The following LAMA2 variants were observed in gnomAD, a reference collection of about 807,000 sequenced individuals.
LAMA2 encodes the protein laminin subunit alpha-2.
LAMA2 carries 269 observed loss-of-function variants against 364.8 expected under a neutral mutation model. That is an observed-to-expected ratio of 0.74 (90% CI 0.67 to 0.82). LAMA2 has a LOEUF of 0.82. Among genes scored for constraint, LAMA2 ranks in the 40% least tolerant of loss-of-function variants. The pLI, the probability that LAMA2 is intolerant of heterozygous loss-of-function variation, is 0.00. For missense variants in LAMA2, 3,807 were observed against 3,873.2 expected, an observed-to-expected ratio of 0.98 and a Z score of 0.45; for synonymous variants, 1,379 against 1,370.6, an observed-to-expected ratio of 1.01 and a Z score of -0.14.
chr6:128,981,116 C>T (rs554049417), intron 1 of LAMA2, among the ~76,000 whole-genome samples: 4 of 152,240 alleles, frequency 2.6e-5, no homozygotes, highest in African/African-American at 9.6e-5. Flanking sequence ...TTCTGTTCCT[C>T]ACAGTCACAC....
intron 1 of LAMA2, among the ~76,000 whole-genome samples, chr6:129,022,642 A>G (rs935024001): frequency 1.3e-5 from 2 of 152,202 alleles, no homozygotes; most frequent in African/African-American, 4.8e-5. Context: ...AGGAGTGCCC[A>G]GATAAAATCA....
chr6:129,220,137 T>A (rs961803772), intron 12 of LAMA2, among the ~76,000 whole-genome samples: 1 of 152,184 alleles, frequency 6.6e-6, no homozygotes, highest in Admixed American at 6.5e-5. Flanking sequence ...TGTTCATTGA[T>A]TTAGACATAT....
intron 29 of LAMA2, among the ~76,000 whole-genome samples, chr6:129,330,615 T>C (rs200981076): frequency 3.8e-4 from 56 of 149,262 alleles, no homozygotes; most frequent in East Asian, 1.4e-3. Context: ...TTTTTTTTTT[T>C]CCCACTGTGT....
intron 12 of LAMA2, among the ~76,000 whole-genome samples, chr6:129,225,974 T>C (rs1759422026): frequency 6.6e-6 from 1 of 152,164 alleles, no homozygotes; most frequent in African/African-American, 2.4e-5. Flanking sequence ...AGTCTAAGTC[T>C]CTTTGTAGGT....
chr6:129,427,631 C>T, intron 40 of LAMA2, 121 bp from the exon 41 acceptor site: 1 of 743,554 alleles, frequency 1.3e-6, no homozygotes. Context: ...ATTTACAATT[C>T]TATATCTGCA....
At chr6:129,004,522 G>T (rs1437760753) in intron 1 of LAMA2, among the ~76,000 whole-genome samples, 2 of 151,492 alleles carry the variant, frequency 1.3e-5, no homozygotes, top group Admixed American at 6.6e-5. Context: ...GGGAAATTTA[G>T]CCAGCATGTA....
At position 129,353,288 on chromosome 6, in the gene LAMA2, C is replaced by A; in HGVS notation, c.4648C>A (p.Pro1550Thr). ...DPVTGFCTCR[P>T]GATGRKCDGC... The stretch of plus-strand genomic sequence containing the variant: ...TGTCACAGGATTCTGCACGTGCCGA[C>A]CTGGAGCCACGGGAAGGAAGTGTGA... The change falls in exon 32 of 65, where the codon CCT (proline) becomes ACT (threonine). Residue 1550 changes from proline to threonine, a missense_variant. Pro to Thr is a conservative substitution (Grantham distance 38). Around this residue, in one of 3 missense-constraint regions of LAMA2, gnomAD observed 3,333 missense variants for 3,345.7 expected, o/e 1.00. Coordinates refer to ENST00000421865, the MANE Select transcript of LAMA2 (RefSeq NM_000426.4). The A allele has an allele frequency of 6.2e-7, 1 of 1,614,096 alleles. No individual in the cohort carries two copies. Among genetic ancestry groups the A allele is most frequent in the Non-Finnish European group, 8.5e-7 (1 of 1,179,994 alleles).
chr6:129,450,289 G>GTTTGTTTTGTTTTGT (rs71028162), intron 45 of LAMA2, among the ~76,000 whole-genome samples: 2 of 149,500 alleles, frequency 1.3e-5, no homozygotes, highest in Non-Finnish European at 3.0e-5. Flanking sequence ...CAATTGTGTT[G>GTTTGTTTTGTTTTGT]TTTGTTTTGT....
chr6:129,433,474 G>T (rs1336586225), intron 41 of LAMA2, among the ~76,000 whole-genome samples: 1 of 152,124 alleles, frequency 6.6e-6, no homozygotes, highest in Non-Finnish European at 1.5e-5. Context: ...AGTCACTTAT[G>T]CCTGTAATCC....
chr6:129,321,870 A>G (rs1022902306), intron 28 of LAMA2, among the ~76,000 whole-genome samples: 3 of 152,198 alleles, frequency 2.0e-5, no homozygotes, highest in Non-Finnish European at 4.4e-5. Context: ...TGAGAGGGAC[A>G]TGGCATCATG....
At chr6:129,066,084 C>T (rs971965654) in intron 3 of LAMA2, among the ~76,000 whole-genome samples, 7 of 102,762 alleles carry the variant, frequency 6.8e-5, no homozygotes, top group Middle Eastern at 5.4e-3. Flanking sequence ...CTCGCTCTGT[C>T]GCCCAGGCTG....
At chr6:129,175,737 T>C (rs1017886516) in intron 9 of LAMA2, among the ~76,000 whole-genome samples, 1 of 152,124 alleles carries the variant, frequency 6.6e-6, no homozygotes, top group Non-Finnish European at 1.5e-5. Flanking sequence ...AAATACCTAA[T>C]GTAGATGACA....
At chr6:129,070,562 T>G (rs1773244386) in intron 3 of LAMA2, among the ~76,000 whole-genome samples, 1 of 142,218 alleles carries the variant, frequency 7.0e-6, no homozygotes, top group Admixed American at 6.7e-5. Flanking sequence ...TCTTCTGTTG[T>G]TGTCATGATA....
In LAMA2 at chr6:129,245,446, A is replaced by G. The variant is rs185911895; in HGVS notation, c.1783-4666A>G. On this transcript the variant is annotated intron_variant, in intron 12 of 64. Transcript: ENST00000421865. ...TGAACACACAGTGCTCTGTAAAATC[A>G]GAGAAATCAATATTGTCCCCAAAAT... Among the ~76,000 whole-genome samples, 213 of 152,292 alleles carry G rather than the reference A, an allele frequency of 1.4e-3. 2 individuals are homozygous for G. The highest frequency in any genetic ancestry group is 1.5e-4 in the Non-Finnish European group (10 of 67,990).
chr6:129,292,099 C>T (rs190906095), intron 20 of LAMA2, among the ~76,000 whole-genome samples: 17 of 152,172 alleles, frequency 1.1e-4, no homozygotes, highest in Non-Finnish European at 1.9e-4. Flanking sequence ...GTAATCCCAG[C>T]ACTTTGGGAG....
chr6:129,378,929 C>T (rs1248912701), intron 34 of LAMA2, among the ~76,000 whole-genome samples: 1 of 152,090 alleles, frequency 6.6e-6, no homozygotes, highest in Admixed American at 6.5e-5. Context: ...CATAACTATT[C>T]ACAATAGCAA....
chr6:129,152,689 T>TTTC (rs1474473620), intron 7 of LAMA2, among the ~76,000 whole-genome samples: 6 of 152,144 alleles, frequency 3.9e-5, no homozygotes, highest in African/African-American at 1.2e-4. Context: ...ATAGGAAACT[T>TTTC]TTCTAACATT....
At chr6:129,370,517 G>T (rs1368929899) in intron 34 of LAMA2, among the ~76,000 whole-genome samples, 3 of 152,180 alleles carry the variant, frequency 2.0e-5, no homozygotes, top group African/African-American at 4.8e-5. Flanking sequence ...TAAAGAATTG[G>T]AAATTTTAAA....
At chr6:129,481,215 A>C (rs868454849) in intron 54 of LAMA2, 48 bp from the exon 55 acceptor site, 2 of 1,499,428 alleles carry the variant, frequency 1.3e-6, no homozygotes, top group African/African-American at 2.8e-5. Flanking sequence ...GAACTTATTT[A>C]AATTTTCATT....
Sources: gnomAD v4.1 joint callset for allele counts (sites outside exome capture counted in the v4.1 genomes callset) on GRCh38, gnomAD v4.1.1 for gene constraint, gnomAD v4.1.1 regional missense constraint, MANE v1.5 for transcripts, NCBI Gene and HGNC (gene_info 2026-07-23, HGNC 2026-07-21) for gene names.